USP9X: variants seen among roughly 807,000 people sequenced by gnomAD.
USP9X encodes ubiquitin specific peptidase 9 X-linked.
Under a neutral mutation model 190.3 loss-of-function variants are expected in USP9X, and 7 were observed. The ratio of observed to expected loss-of-function variants is 0.04; its 90% CI spans 0.02 to 0.07. The LOEUF is 0.07. Among genes scored for constraint, USP9X ranks in the 10% least tolerant of loss-of-function variants. USP9X has a pLI of 1.00. For missense variants in USP9X, 1,010 were observed against 1,916.9 expected (o/e 0.53, Z 8.83); for synonymous variants, 645 against 659.5 (o/e 0.98, Z 0.34).
At chrX:41,141,469 T>C (rs1243628573) in intron 9 of USP9X, 38 bp downstream of exon 9, 5 of 1,097,148 alleles carry the variant, frequency 4.6e-6, no homozygotes, top group Middle Eastern at 5.6e-4. Flanking sequence ...AATAAGAATC[T>C]ACTTAAGACA....
intron 25 of USP9X, among the ~76,000 whole-genome samples, chrX:41,188,432 G>A (rs746416408): frequency 9.0e-6 from 1 of 111,676 alleles, no homozygotes; most frequent in South Asian, 3.7e-4. Flanking sequence ...TCTGTCCTGC[G>A]TAAATTTTGG....
At chrX:41,121,200 A>G (rs1316475221) in intron 1 of USP9X, among the ~76,000 whole-genome samples, 1 of 110,996 alleles carries the variant, frequency 9.0e-6, no homozygotes, top group Non-Finnish European at 1.9e-5. Context: ...TTCCTCATTA[A>G]TCTGCCTGTA....
rs747911331 is a variant in USP9X at position 41,213,922 on chromosome X, T to C, written c.5190-646T>C. On this transcript the variant is annotated intron_variant, in intron 33 of 44. Coordinates refer to ENST00000378308, the MANE Select transcript of USP9X (RefSeq NM_001039591.3). The stretch of plus-strand genomic sequence containing the variant: ...TTTTACACATAGAAAGCACTCTCAG[T>C]CTATCCATTGGATGAATTAATGGTT... Among the ~76,000 whole-genome samples, 6 of 112,423 alleles carry C rather than the reference T, an allele frequency of 5.3e-5. No individual in the cohort carries two copies. In the East Asian group the frequency reaches 1.7e-3, roughly 31 times the overall value.
chrX:41,188,448 C>T (rs2062901776), intron 25 of USP9X, among the ~76,000 whole-genome samples: 1 of 111,621 alleles, frequency 9.0e-6, no homozygotes, highest in Non-Finnish European at 1.9e-5. Flanking sequence ...TTTGGTTTGT[C>T]AGTTATGGTA....
chrX:41,198,781 A>ATCATTTCAATGTTT, intron 30 of USP9X, 31 bp downstream of exon 30: 1 of 1,107,702 alleles, frequency 9.0e-7, no homozygotes, highest in Non-Finnish European at 1.2e-6. Context: ...GTGATAATTG[A>ATCATTTCAATGTTT]TCATTTCAAT....
intron 32 of USP9X, among the ~76,000 whole-genome samples, chrX:41,208,438 G>A (rs2063125911): frequency 8.9e-6 from 1 of 111,944 alleles, no homozygotes; most frequent in Admixed American, 9.5e-5. Context: ...AGCTCGGTTT[G>A]TATAGACTAG....
chrX:41,089,903 GTTTTTTTTTTTTTTTTTT>G (rs139093155), intron 1 of USP9X, among the ~76,000 whole-genome samples: 12 of 30,325 alleles, frequency 4.0e-4, no homozygotes. Flanking sequence ...ATCTATGAGG[GTTTTTTTTTTTTTTTTTT>G]TTTTTTTTTT....
chrX:41,153,500 A>G (rs1277322348), intron 14 of USP9X, among the ~76,000 whole-genome samples: 1 of 112,453 alleles, frequency 8.9e-6, no homozygotes, highest in Non-Finnish European at 1.9e-5. Flanking sequence ...CCATGAATTT[A>G]AAAAACATAA....
At chrX:41,118,436 CA>C (rs1213778879) in intron 1 of USP9X, among the ~76,000 whole-genome samples, 1 of 111,978 alleles carries the variant, frequency 8.9e-6, no homozygotes, top group Non-Finnish European at 1.9e-5. Context: ...AAGGTTCACC[CA>C]TATCGTAGCA....
At chrX:41,115,085 G>A (rs886774990) in intron 1 of USP9X, among the ~76,000 whole-genome samples, 1 of 108,715 alleles carries the variant, frequency 9.2e-6, no homozygotes, top group African/African-American at 3.4e-5. Flanking sequence ...GCCCGGCATT[G>A]TGGCACCTGC....
At chrX:41,089,944 C>T (rs1353196261) in intron 1 of USP9X, among the ~76,000 whole-genome samples, 6 of 72,349 alleles carry the variant, frequency 8.3e-5, no homozygotes, top group Non-Finnish European at 1.5e-4. Flanking sequence ...GACAGATTCT[C>T]ACTCTGTCAC....
Position 41,197,352 on chromosome X carries a change from C to CCCCCCGA in USP9X, c.4234-12_4234-11insCCCCCGA. On this transcript the variant is annotated splice_polypyrimidine_tract_variant and intron_variant, in intron 28 of 44. Coordinates refer to ENST00000378308, the MANE Select transcript of USP9X (RefSeq NM_001039591.3). ...TTCTTCCCCCCCCCACCCCACCCCC[C>CCCCCCGA]GCCTTTGGCAGGATGATGTTAAAAG... is the stretch of plus-strand genomic sequence containing the variant. The CCCCCCGA allele has an allele frequency of 1.0e-6, 1 of 988,221 alleles. No homozygotes were observed. The highest frequency in any genetic ancestry group is 1.3e-6 in the Non-Finnish European group (1 of 759,388). 81.4% of individuals were successfully genotyped at this position (988,221 alleles called of 1,213,427 possible).
In USP9X at chrX:41,129,077, A is replaced by G; in HGVS notation, c.174A>G (p.Pro58=). The change falls in exon 3 of 45, where the codon CCA becomes CCG. Residue 58 remains proline, a synonymous_variant. Transcript: ENST00000378308. ...PDEQGQGDAP[P]QLEDEEPAFP... is the part of the protein sequence containing the mutation. ...AGCAAGGTCAAGGTGATGCCCCACC[A>G]CAGCTTGAAGATGAGGAACCTGCAT... is the stretch of plus-strand genomic sequence containing the variant. 1 of 1,211,068 alleles carries G rather than the reference A, an allele frequency of 8.3e-7. No homozygotes were observed. Among genetic ancestry groups the G allele is most frequent in the Non-Finnish European group, 1.1e-6 (1 of 895,103 alleles).
At chrX:41,122,491 CAG>C (rs1431238711) in intron 1 of USP9X, among the ~76,000 whole-genome samples, 6 of 111,806 alleles carry the variant, frequency 5.4e-5, no homozygotes, top group African/African-American at 1.3e-4. Flanking sequence ...GGATGTGTGA[CAG>C]GGGTGTGGCT....
chrX:41,185,181 T>G (rs1432991511), intron 23 of USP9X, among the ~76,000 whole-genome samples: 1 of 112,440 alleles, frequency 8.9e-6, no homozygotes, highest in Non-Finnish European at 1.9e-5. Flanking sequence ...AAGTAAAGTT[T>G]TATAAACATC....
At chrX:41,189,731 T>C (rs980714050) in intron 26 of USP9X, 6 of 236,400 alleles carry the variant, frequency 2.5e-5, no homozygotes, top group African/African-American at 1.4e-4. Flanking sequence ...GGTATATAGA[T>C]TAGCCTATTT....
At chrX:41,156,581 T>C (rs751987344) in intron 14 of USP9X, among the ~76,000 whole-genome samples, 20 of 111,776 alleles carry the variant, frequency 1.8e-4, no homozygotes, top group Non-Finnish European at 3.6e-4. Context: ...GTGGACATTA[T>C]ATGTCAGGGA....
chrX:41,194,842 C>A (rs2062968451), intron 26 of USP9X, among the ~76,000 whole-genome samples: 1 of 110,720 alleles, frequency 9.0e-6, no homozygotes, highest in Non-Finnish European at 1.9e-5. Flanking sequence ...ATTCTAGGTT[C>A]CAATGGCACA....
intron 26 of USP9X, among the ~76,000 whole-genome samples, chrX:41,191,539 T>G (rs1328806088): frequency 9.0e-6 from 1 of 111,434 alleles, no homozygotes; most frequent in African/African-American, 3.3e-5. Flanking sequence ...GCACAAGGAC[T>G]GTAGAAATTA....
Sources: gnomAD v4.1 joint callset for allele counts (sites outside exome capture counted in the v4.1 genomes callset) on GRCh38, gnomAD v4.1.1 for gene constraint, MANE v1.5 for transcripts, NCBI Gene and HGNC (gene_info 2026-07-23, HGNC 2026-07-21) for gene names.